Variants in ARHGAP28 observed in about 807,000 individuals in gnomAD.
ARHGAP28 encodes the protein Rho GTPase activating protein 28, also known as rho GTPase-activating protein 28.
Under a neutral mutation model 90.7 loss-of-function variants are expected in ARHGAP28, and 56 were observed. The ratio of observed to expected loss-of-function variants is 0.62; its 90% confidence interval spans 0.50 to 0.77. ARHGAP28 has a LOEUF of 0.77. ARHGAP28 is among the 30% of genes least tolerant of loss of function. The pLI is 0.00. For missense variants in ARHGAP28, 869 were observed against 900.9 expected (o/e 0.96, Z 0.45); for synonymous variants, 308 against 323.3 (o/e 0.95, Z 0.51).
Position 6,859,828 on chromosome 18 carries a change from C to G in ARHGAP28, c.657C>G (p.Asn219Lys). Residue 219 changes from asparagine to lysine, a missense_variant, in exon 5 of 18, where the codon AAC becomes AAG. Transcript: ENST00000383472. The part of the protein sequence containing the change: ...SGSMPDDASL[N>K]STTLSDASQD... Reference sequence around the variant, plus strand: ...TTTAGCCAGATGATGCTTCTCTCAACAGTACTACCCTGTCTGACGCATCCC... The same window carrying G: ...TTTAGCCAGATGATGCTTCTCTCAAGAGTACTACCCTGTCTGACGCATCCC... The G allele has an allele frequency of 6.2e-7, 1 of 1,614,056 alleles. No homozygotes were observed. The highest frequency in any genetic ancestry group is 1.3e-5 in the African/African-American group (1 of 75,060).
At chr18:6,744,434 G>A (rs1286237922) in intron 1 of ARHGAP28, among the ~76,000 whole-genome samples, 1 of 152,114 alleles carries the variant, frequency 6.6e-6, no homozygotes, top group Non-Finnish European at 1.5e-5. Flanking sequence ...CTTTTCTCAT[G>A]CTTAGATTCT....
intron 2 of ARHGAP28, among the ~76,000 whole-genome samples, chr18:6,827,345 G>A (rs1436979632): frequency 2.0e-5 from 3 of 149,184 alleles, no homozygotes; most frequent in African/African-American, 4.9e-5. Flanking sequence ...TCCCGGACGG[G>A]GCGGCTGGCT....
At chr18:6,826,830 TGCG>T (rs2056667950) in intron 2 of ARHGAP28, among the ~76,000 whole-genome samples, 1 of 152,040 alleles carries the variant, frequency 6.6e-6, no homozygotes, top group African/African-American at 2.4e-5. Context: ...CAGAGGACCC[TGCG>T]GCCTTCCGCA....
intron 17 of ARHGAP28, among the ~76,000 whole-genome samples, chr18:6,910,802 C>G (rs1447351365): frequency 6.6e-6 from 1 of 151,230 alleles, no homozygotes; most frequent in Admixed American, 6.6e-5. Flanking sequence ...CAACCTAGCA[C>G]TCACACAGCT....
chr18:6,904,650 G>A (rs1388188363), intron 16 of ARHGAP28, among the ~76,000 whole-genome samples: 1 of 152,044 alleles, frequency 6.6e-6, no homozygotes, highest in Admixed American at 6.6e-5. Context: ...CAAAAAGTTG[G>A]TTCTTTTAAA....
intron 1 of ARHGAP28, among the ~76,000 whole-genome samples, chr18:6,771,256 C>T (rs188230836): frequency 1.3e-3 from 204 of 152,150 alleles, no homozygotes; most frequent in Middle Eastern, 3.4e-3. Context: ...GTTGTCCAGA[C>T]TGGTCTCAAA....
chr18:6,882,246 C>G lies in ARHGAP28; in HGVS notation c.1400C>G (p.Pro467Arg). ...TTGAAAGCGTTTTTCAGAGAACTAC[C>G]CACCTCTCTCTTCCCTGTGGAATAT... The part of the protein sequence containing the change: ...VMLKAFFREL[P>R]TSLFPVEYIP... The change falls in exon 11 of 18, where the codon CCC becomes CGC. Residue 467 changes from proline to arginine, a missense_variant. Transcript: ENST00000383472. The G allele has an allele frequency of 6.2e-7, 1 of 1,613,978 alleles. No individual in the cohort carries two copies. Among genetic ancestry groups the G allele is most frequent in the Non-Finnish European group, 8.5e-7 (1 of 1,179,960 alleles).
At position 6,910,462 on chromosome 18, in the gene ARHGAP28, A is replaced by G. The variant is rs1040306093; in HGVS notation, c.2095+1438A>G. Among the ~76,000 whole-genome samples, 10 of 152,088 alleles carry G rather than the reference A, an allele frequency of 6.6e-5. 1 individual carries two copies. The East Asian group carries it at 1.9e-3, about 30-fold the overall frequency. The stretch of plus-strand genomic sequence containing the variant: ...TTTAAACACTAAACCTGTAAATCCA[A>G]TCACCTGACAGGGTTGGATCTGGGG... On this transcript the variant is annotated intron_variant, in intron 17 of 17. Transcript: ENST00000383472.
At chr18:6,740,596 T>C (rs2055968328) in intron 1 of ARHGAP28, among the ~76,000 whole-genome samples, 1 of 152,214 alleles carries the variant, frequency 6.6e-6, no homozygotes, top group Non-Finnish European at 1.5e-5. Context: ...TTTAATAAAC[T>C]TTAGTTCTTA....
intron 3 of ARHGAP28, among the ~76,000 whole-genome samples, chr18:6,839,921 CAAAAT>C (rs2056791660): frequency 6.6e-6 from 1 of 152,186 alleles, no homozygotes; most frequent in Non-Finnish European, 1.5e-5. Context: ...GATTTTCTTT[CAAAAT>C]AAATGAAGAG....
intron 3 of ARHGAP28, among the ~76,000 whole-genome samples, chr18:6,841,354 A>C (rs1422472539): frequency 1.3e-5 from 2 of 150,396 alleles, no homozygotes; most frequent in African/African-American, 4.9e-5. Context: ...TTTCCATTTC[A>C]CTTTCTTAGT....
intron 3 of ARHGAP28, among the ~76,000 whole-genome samples, chr18:6,846,831 C>T (rs970194461): frequency 4.6e-5 from 7 of 152,196 alleles, no homozygotes; most frequent in African/African-American, 1.7e-4. Context: ...GAAAGCTCTC[C>T]ACCCTTGGAT....
intron 1 of ARHGAP28, among the ~76,000 whole-genome samples, chr18:6,770,061 A>G (rs1050339171): frequency 1.6e-4 from 25 of 152,192 alleles, no homozygotes; most frequent in African/African-American, 6.0e-4. Flanking sequence ...CTATCCTTCT[A>G]TAAAACAACA....
intron 17 of ARHGAP28, 75 bp downstream of exon 17, chr18:6,909,099 A>T: frequency 2.2e-6 from 2 of 894,876 alleles, no homozygotes; most frequent in Non-Finnish European, 1.8e-6. Context: ...ATAATCATAA[A>T]GGTATGTTTT....
intron 3 of ARHGAP28, among the ~76,000 whole-genome samples, chr18:6,848,849 C>T (rs1216419418): frequency 6.6e-6 from 1 of 152,134 alleles, no homozygotes; most frequent in East Asian, 1.9e-4. Flanking sequence ...CACAGCAAGT[C>T]TCCTCTGTCC....
intron 1 of ARHGAP28, among the ~76,000 whole-genome samples, chr18:6,818,784 T>TA (rs1161757490): frequency 6.6e-6 from 1 of 152,210 alleles, no homozygotes; most frequent in Non-Finnish European, 1.5e-5. Context: ...CTTGGCTTTT[T>TA]AGAGAAACTG....
At chr18:6,777,336 G>A (rs1020822088) in intron 1 of ARHGAP28, among the ~76,000 whole-genome samples, 1 of 152,132 alleles carries the variant, frequency 6.6e-6, no homozygotes, top group Non-Finnish European at 1.5e-5. Flanking sequence ...TAGGAGGGGG[G>A]TGAGCTTTGG....
intron 1 of ARHGAP28, among the ~76,000 whole-genome samples, chr18:6,764,001 A>G (rs2056181520): frequency 6.6e-6 from 1 of 152,184 alleles, no homozygotes; most frequent in African/African-American, 2.4e-5. Flanking sequence ...GTTTTCTTCT[A>G]TCAAACTAAA....
rs374901027 is a variant in ARHGAP28, at chr18:6,894,811, T to A, written c.1849-24T>A. 1.9e-6 allele frequency: 3 copies of A among 1,610,334 alleles called. No individual in the cohort carries two copies. In the African/African-American group the frequency reaches 4.0e-5, roughly 22 times the overall value. On this transcript the variant is annotated intron_variant, in intron 14 of 17. Coordinates refer to ENST00000383472, the MANE Select transcript of ARHGAP28 (RefSeq NM_001366230.1). Reference sequence around the variant, plus strand: ...CATATGCTTGTTTTCTCAACATTACTCCTAAAGACTGTGTTTCTTTTAGAC... The same window carrying A: ...CATATGCTTGTTTTCTCAACATTACACCTAAAGACTGTGTTTCTTTTAGAC...
Sources: allele counts gnomAD v4.1 joint callset (sites outside exome capture counted in the v4.1 genomes callset), GRCh38; gene constraint gnomAD v4.1.1; transcripts MANE v1.5; gene names NCBI Gene and HGNC (gene_info 2026-07-23, HGNC 2026-07-21).